MATN4: variants seen among roughly 807,000 people sequenced by gnomAD.
MATN4 encodes the protein matrilin 4.
Under a neutral mutation model 54.6 loss-of-function variants are expected in MATN4, and 40 were observed. The observed-to-expected ratio is 0.73, with a 90% CI of 0.57 to 0.95. The LOEUF is 0.95. Ranked by LOEUF, MATN4 falls within the 40% of genes least tolerant of loss-of-function variation. MATN4 has a pLI of 0.00. For synonymous variants in MATN4, 351 were observed against 345.3 expected (o/e 1.02, Z -0.18); for missense variants, 810 against 819.1 (o/e 0.99, Z 0.13).
At chr20:45,295,343 C>T (rs1985743787) in intron 8 of MATN4, among the ~76,000 whole-genome samples, 1 of 152,184 alleles carries the variant, frequency 6.6e-6, no homozygotes, top group African/African-American at 2.4e-5. Context: ...TATCAGACAA[C>T]ACCCCAGACT....
At position 45,302,917 on chromosome 20, in the gene MATN4, C is replaced by T. The variant is rs866957193; in HGVS notation, c.643+1311G>A. Reference sequence around the variant, plus strand: ...AGCCAACATGGTGAAACCCCATCTCCACTAAAAATACAAAAAATAGCTGGG... The same window carrying T: ...AGCCAACATGGTGAAACCCCATCTCTACTAAAAATACAAAAAATAGCTGGG... On this transcript the variant is annotated intron_variant, in intron 3 of 9. Coordinates refer to ENST00000372756, the MANE Select transcript of MATN4 (RefSeq NM_001393530.1). Among the ~76,000 whole-genome samples the T allele has an allele frequency of 2.0e-4, 30 of 151,998 alleles. No homozygotes were observed. In the Middle Eastern group the frequency reaches 0.01, roughly 52 times the overall value.
chr20:45,306,911 C>T (rs1353846446), intron 1 of MATN4: 2 of 1,255,946 alleles, frequency 1.6e-6, no homozygotes, highest in East Asian at 3.1e-5. Context: ...GCTGGGGCCC[C>T]GTGGAGCCAC....
intron 6 of MATN4, among the ~76,000 whole-genome samples, chr20:45,299,574 G>C (rs900677266): frequency 1.3e-5 from 2 of 152,136 alleles, no homozygotes; most frequent in South Asian, 4.1e-4. Context: ...CAGCGCTTAT[G>C]AGTAAAATTA....
In MATN4 at chr20:45,293,988, A is replaced by C. The variant is rs748468534; in HGVS notation, c.1607T>G (p.Leu536Arg). ...GCTTTCGCATTCGCATGGGCTCCGA[A>C]GCTCTGTCCCTGCGCTGATGCCCTC... ...PEEGISAGTE[L>R]RSPCECESLV... Residue 536 changes from leucine (L) to arginine (R), a missense_variant, in exon 9 of 10, where the codon CTT (leucine) becomes CGT (arginine). Coordinates refer to ENST00000372756, the MANE Select transcript of MATN4 (RefSeq NM_001393530.1). 1 of 1,602,876 alleles carries C rather than the reference A, an allele frequency of 6.2e-7. No homozygotes were observed. The highest frequency in any genetic ancestry group is 8.5e-7 in the Non-Finnish European group (1 of 1,179,690).
intron 3 of MATN4, among the ~76,000 whole-genome samples, chr20:45,303,050 T>C (rs1986331343): frequency 7.8e-6 from 1 of 128,222 alleles, no homozygotes; most frequent in African/African-American, 3.1e-5. Flanking sequence ...ACCATTGCAC[T>C]CCAGCTTGGG....
Position 45,301,167 on chromosome 20 carries a change from G to A in MATN4, c.824C>T (p.Pro275Leu). 1.2e-6 allele frequency: 2 copies of A among 1,614,198 alleles called. No homozygotes were observed. The highest frequency in any genetic ancestry group is 1.7e-6 in the Non-Finnish European group (2 of 1,180,036). The change falls in exon 5 of 10, where the codon CCT becomes CTT. Residue 275 changes from proline (P) to leucine (L), a missense_variant. By Grantham distance (98) the Pro-to-Leu change is moderately conservative. Transcript: ENST00000372756. Reference protein sequence around the residue: ...HSCQHECVSTPGGPRCHCREG... With the variant: ...HSCQHECVSTLGGPRCHCREG... Reference sequence around the variant, plus strand: ...TCTGCAGTGGCACCGTGGCCCACCAGGGGTGCTAACACACTCATGCTGACA... The same window carrying A: ...TCTGCAGTGGCACCGTGGCCCACCAAGGGTGCTAACACACTCATGCTGACA...
At position 45,295,373 on chromosome 20, in the gene MATN4, G is replaced by T. The variant is rs184314606; in HGVS notation, c.1580-1358C>A. Among the ~76,000 whole-genome samples, 8 of 152,280 alleles carry T rather than the reference G, an allele frequency of 5.3e-5. No homozygotes were observed. In the East Asian group the frequency reaches 1.5e-3, roughly 29 times the overall value. On this transcript the variant is annotated intron_variant, in intron 8 of 9. Coordinates refer to ENST00000372756, the MANE Select transcript of MATN4 (RefSeq NM_001393530.1). ...CAGACTTGCTGAATTAGAAAATCTA[G>T]AGTTGAAGCCCAGCAATTTGTGTTT...
At chr20:45,300,587 A>G (rs1304778804) in intron 6 of MATN4, among the ~76,000 whole-genome samples, 1 of 152,216 alleles carries the variant, frequency 6.6e-6, no homozygotes, top group Non-Finnish European at 1.5e-5. Context: ...TCACCATTTG[A>G]AATACTTAGG....
At chr20:45,299,634 T>C (rs980114675) in intron 6 of MATN4, among the ~76,000 whole-genome samples, 5 of 151,764 alleles carry the variant, frequency 3.3e-5, no homozygotes, top group African/African-American at 1.2e-4. Flanking sequence ...TCCCAGCACT[T>C]TGGGAGGCTG....
intron 8 of MATN4, among the ~76,000 whole-genome samples, chr20:45,295,799 G>GCAGGAGGC (rs1265387944): frequency 6.6e-6 from 1 of 152,192 alleles, no homozygotes; most frequent in Non-Finnish European, 1.5e-5. Context: ...TGGGGGTTGG[G>GCAGGAGGC]CAGGAGGCCT....
chr20:45,304,419 T>C lies in MATN4; in HGVS notation c.452A>G (p.Gln151Arg). ...VAVIVTDGRP[Q>R]DRVAEVAAQA... ...TGCCGCCACCTCGGCCACGCGGTCC[T>C]GGGGCCGCCCGTCTGTCACGATGAC... Residue 151 changes from glutamine (Q) to arginine (R), a missense_variant, in exon 3 of 10, where the codon CAG becomes CGG. Physicochemically the swap from Gln to Arg is conservative, Grantham distance 43 (BLOSUM62 1). Transcript: ENST00000372756. 1 of 1,527,828 alleles carries C rather than the reference T, an allele frequency of 6.5e-7. No individual in the cohort carries two copies. The highest frequency in any genetic ancestry group is 8.8e-7 in the Non-Finnish European group (1 of 1,134,484). The allele number at this position is 1,527,828 out of a possible 1,614,324, so 94.6% of individuals were successfully genotyped here.
rs2145635435 is a variant in MATN4, at chr20:45,293,983, T to G, written c.1612A>C (p.Ser538Arg). The change falls in exon 9 of 10, where the codon AGC becomes CGC. Residue 538 changes from serine (S) to arginine (R), a missense_variant. Physicochemically the swap from Ser to Arg is moderately radical, Grantham distance 110 (BLOSUM62 -1). Transcript: ENST00000372756. ...EGISAGTELR[S>R]PCECESLVEF... is the part of the protein sequence containing the mutation. ...ACGAGGCTTTCGCATTCGCATGGGCTCCGAAGCTCTGTCCCTGCGCTGATG... is the reference window on the plus strand; with the variant it reads ...ACGAGGCTTTCGCATTCGCATGGGCGCCGAAGCTCTGTCCCTGCGCTGATG... 6.2e-7 allele frequency: 1 copy of G among 1,603,172 alleles called. No individual in the cohort carries two copies. The highest frequency in any genetic ancestry group is 2.2e-5 in the East Asian group (1 of 44,840).
At chr20:45,307,266 C>T (rs1298644655) in intron 1 of MATN4, among the ~76,000 whole-genome samples, 6 of 152,126 alleles carry the variant, frequency 3.9e-5, no homozygotes, top group Admixed American at 2.6e-4. Context: ...ACAGCAGCTC[C>T]GCCCCCGCCC....
intron 3 of MATN4, chr20:45,303,340 C>A: frequency 1.4e-6 from 1 of 693,620 alleles, no homozygotes; most frequent in South Asian, 1.5e-5. Context: ...AATGGAGAGC[C>A]AAAGAAGGTT....
rs111737060 is a variant in MATN4 at position 45,293,914 on chromosome 20, G to T, written c.1681C>A (p.Leu561Met). Residue 561 changes from leucine to methionine, a missense_variant, in exon 9 of 10, where the codon CTG becomes ATG. Coordinates refer to ENST00000372756, the MANE Select transcript of MATN4 (RefSeq NM_001393530.1). ...RTLGALESLT[L>M]NLAQLTARLE... Reference sequence around the variant, plus strand: ...CACCAGCCCCAAAGGATATGGTTCAGCGTCAGGCTCTCGAGCGCCCCCAGC... The same window carrying T: ...CACCAGCCCCAAAGGATATGGTTCATCGTCAGGCTCTCGAGCGCCCCCAGC... 3.1e-4 allele frequency: 503 copies of T among 1,603,156 alleles called. No individual in the cohort carries two copies. In the African/African-American group the frequency reaches 5.3e-3, roughly 17 times the overall value.
Position 45,298,138 on chromosome 20 carries a change from C to A in MATN4, c.1426+32G>T, listed in dbSNP as rs750704388. 1.9e-6 allele frequency: 3 copies of A among 1,600,426 alleles called. No homozygotes were observed. Among genetic ancestry groups the A allele is most frequent in the South Asian group, 1.1e-5 (1 of 90,318 alleles). On this transcript the variant is annotated intron_variant, in intron 7 of 9. Coordinates refer to ENST00000372756, the MANE Select transcript of MATN4 (RefSeq NM_001393530.1). The surrounding 1 kb of genome is among the most constrained non-coding windows in gnomAD (Gnocchi z 4.6). ...AGCTGCCTCCCAGCGTCTGACCCAA[C>A]CCCAGCCCACTGTGTCCCATGCCAA...
Position 45,308,281 on chromosome 20 carries a change from T to C in MATN4, c.-141A>G, listed in dbSNP as rs771717715. On this transcript the variant is annotated 5_prime_UTR_variant, in exon 1 of 10. Transcript: ENST00000372756. ...CGGCGGCGTGGCAGCGTGCCCTAGG[T>C]GGGGACTGCCAGGCAGCTGGAGCAC... 1 of 1,447,750 alleles carries C rather than the reference T, an allele frequency of 6.9e-7. No homozygotes were observed. 89.7% of individuals were successfully genotyped at this position (1,447,750 alleles called of 1,614,324 possible).
Position 45,293,609 on chromosome 20 carries a change from G to T in MATN4, c.*158C>A. On this transcript the variant is annotated 3_prime_UTR_variant, in exon 10 of 10. Transcript: ENST00000372756. ...CAGTCCGCCTAATGGTCCGGGCGAG[G>T]CCAACTCAGCTCAATGCCGGAAGCC... is the stretch of plus-strand genomic sequence containing the variant. The T allele has an allele frequency of 1.6e-6, 1 of 641,302 alleles. No homozygotes were observed. 39.7% of individuals were successfully genotyped at this position (641,302 alleles called of 1,614,324 possible). A position where few individuals can be genotyped will look rare whatever the true frequency, so the allele number is the denominator to read the frequency against.
chr20:45,307,181 G>A (rs1404971439), intron 1 of MATN4, among the ~76,000 whole-genome samples: 1 of 151,978 alleles, frequency 6.6e-6, no homozygotes, highest in Non-Finnish European at 1.5e-5. Flanking sequence ...CCACCGCCGC[G>A]CCCCATGCTG....
Sources: allele counts gnomAD v4.1 joint callset (sites outside exome capture counted in the v4.1 genomes callset), GRCh38; gene constraint gnomAD v4.1.1; non-coding constraint Gnocchi (gnomAD v3.1); transcripts MANE v1.5; gene names NCBI Gene and HGNC (gene_info 2026-07-23, HGNC 2026-07-21).